Variants in CUL1 observed in about 807,000 individuals in gnomAD.
CUL1 encodes cullin-1.
Under a neutral mutation model 118.0 loss-of-function variants are expected in CUL1, and 24 were observed. The ratio of observed to expected loss-of-function variants is 0.20; its 90% confidence interval spans 0.15 to 0.29. The LOEUF is 0.29. Among genes scored for constraint, CUL1 ranks in the 10% least tolerant of loss-of-function variants. The probability of loss-of-function intolerance (pLI) is 1.00; values close to 1 mark genes in which losing one functional copy is unlikely to be tolerated. For synonymous variants in CUL1, 332 were observed against 340.4 expected, an observed-to-expected ratio of 0.98 and a Z score of 0.27; for missense variants, 361 against 933.8, an observed-to-expected ratio of 0.39 and a Z score of 7.99.
At chr7:148,768,525 C>G (rs747008435) in intron 9 of CUL1, among the ~76,000 whole-genome samples, 1 of 151,776 alleles carries the variant, frequency 6.6e-6, no homozygotes, top group Non-Finnish European at 1.5e-5. Flanking sequence ...GCTGGGATTA[C>G]AGCCGCTCGC....
upstream of CUL1, chr7:148,698,146 G>GTC (rs1196422737): frequency 1.3e-5 from 2 of 152,276 alleles, no homozygotes; most frequent in South Asian, 4.1e-4. Context: ...CTTGCAGGTG[G>GTC]TAAGGGGGTC....
chr7:148,752,400 CTG>C (rs1323355258), intron 2 of CUL1, among the ~76,000 whole-genome samples: 5 of 152,062 alleles, frequency 3.3e-5, no homozygotes, highest in Non-Finnish European at 7.4e-5. Context: ...TTATTGTAAT[CTG>C]TGATTCTCTA....
chr7:148,701,206 G>T (rs896306285), intron 1 of CUL1, among the ~76,000 whole-genome samples: 1 of 151,996 alleles, frequency 6.6e-6, no homozygotes, highest in African/African-American at 2.4e-5. Context: ...TTGAAAACAT[G>T]CGCTGATTTT....
At chr7:148,786,869 C>A in intron 12 of CUL1, 120 bp from the exon 13 acceptor site, 1 of 1,352,154 alleles carries the variant, frequency 7.4e-7, no homozygotes, top group Non-Finnish European at 1.0e-6. Context: ...CGTTGGCGTA[C>A]AGACCTGCCC....
chr7:148,723,563 T>C (rs867683478), intron 1 of CUL1, among the ~76,000 whole-genome samples: 2 of 152,106 alleles, frequency 1.3e-5, no homozygotes, highest in South Asian at 2.1e-4. Flanking sequence ...TAAATACTTA[T>C]AAGGCTGCTT....
intron 7 of CUL1, among the ~76,000 whole-genome samples, chr7:148,763,143 T>C (rs1026395588): frequency 5.3e-5 from 8 of 150,464 alleles, no homozygotes; most frequent in Non-Finnish European, 1.0e-4. Context: ...TGAGACTCTG[T>C]CTCAAAAAAA....
chr7:148,797,621 G>A (rs1801247759), intron 17 of CUL1, among the ~76,000 whole-genome samples, 191 bp from the exon 18 acceptor site: 1 of 151,764 alleles, frequency 6.6e-6, no homozygotes, highest in Non-Finnish European at 1.5e-5. Flanking sequence ...TAGAAGTCAG[G>A]GTGGAAGGAA....
rs772857614 is a variant in CUL1, at chr7:148,787,125, G to A, written c.1479+5G>A. On this transcript the variant is annotated splice_donor_5th_base_variant and intron_variant, in intron 13 of 21. Transcript: ENST00000325222. This position sits in a 1 kb window ranked among gnomAD's most constrained non-coding sequence, Gnocchi z 5.5. ...AGCATGATCTCCAAGTTAAAGGTGAGTTTCATCTTTTCCTGAAAAATCCCA... is the reference window on the plus strand; with the variant it reads ...AGCATGATCTCCAAGTTAAAGGTGAATTTCATCTTTTCCTGAAAAATCCCA... The A allele has an allele frequency of 8.1e-6, 13 of 1,612,632 alleles. No homozygotes were observed. Among genetic ancestry groups the A allele is most frequent in the Non-Finnish European group, 1.1e-5 (13 of 1,179,344 alleles).
At chr7:148,728,205 T>A (rs2129459550) in intron 1 of CUL1, among the ~76,000 whole-genome samples, 1 of 152,184 alleles carries the variant, frequency 6.6e-6, no homozygotes, top group East Asian at 1.9e-4. Context: ...CATGTGGCAT[T>A]GCCACTCGCT....
intron 2 of CUL1, among the ~76,000 whole-genome samples, chr7:148,740,892 CCTGACAGTACCTTGAGCTCGGACCT>C (rs2129459923): frequency 6.6e-6 from 1 of 152,274 alleles, no homozygotes; most frequent in African/African-American, 2.4e-5. Context: ...AGAAACCAAC[CCTGACAGTACCTTGAGCTCGGACCT>C]CTAGTCTCCA....
At chr7:148,755,150 C>T (rs1157339264) in intron 3 of CUL1, among the ~76,000 whole-genome samples, 1 of 152,214 alleles carries the variant, frequency 6.6e-6, no homozygotes, top group African/African-American at 2.4e-5. Flanking sequence ...CCCTCCCACT[C>T]CAAGCCTTTG....
chr7:148,780,710 C>T (rs369617518), intron 9 of CUL1, among the ~76,000 whole-genome samples: 2 of 152,244 alleles, frequency 1.3e-5, no homozygotes, highest in African/African-American at 2.4e-5. Flanking sequence ...TGAATGAGCC[C>T]TTAGGGACAA....
intron 7 of CUL1, among the ~76,000 whole-genome samples, chr7:148,763,096 G>A (rs776286167): frequency 8.6e-5 from 13 of 152,036 alleles, no homozygotes; most frequent in Non-Finnish European, 1.5e-4. Flanking sequence ...GCAGTGAGCC[G>A]AGATCGCGCC....
At chr7:148,753,941 G>GT in intron 2 of CUL1, 35 bp from the exon 3 acceptor site, 2 of 1,496,542 alleles carry the variant, frequency 1.3e-6, no homozygotes, top group Non-Finnish European at 1.8e-6. Flanking sequence ...GTTAACGTCT[G>GT]TGATATATGT....
chr7:148,723,687 A>G lies in CUL1; in HGVS notation c.-161-6275A>G, dbSNP rs576239358. ...CAAAAAAAAAAAAGAGGTATATTTC[A>G]TTAAGTGAAGTGAGGTATATCATTT... On this transcript the variant is annotated intron_variant, in intron 1 of 21. Coordinates refer to ENST00000325222, the MANE Select transcript of CUL1 (RefSeq NM_003592.3). Among the ~76,000 whole-genome samples the G allele has an allele frequency of 3.3e-5, 5 of 151,546 alleles. No homozygotes were observed. In the South Asian group the frequency reaches 1.0e-3, roughly 32 times the overall value.
At chr7:148,725,593 C>CT (rs1798552365) in intron 1 of CUL1, among the ~76,000 whole-genome samples, 1 of 152,196 alleles carries the variant, frequency 6.6e-6, no homozygotes, top group Non-Finnish European at 1.5e-5. Flanking sequence ...GTGCCCATCT[C>CT]TAAGAAGCAT....
chr7:148,787,124 A>T lies in CUL1; in HGVS notation c.1479+4A>T, dbSNP rs367923144. ...CAGCATGATCTCCAAGTTAAAGGTG[A>T]GTTTCATCTTTTCCTGAAAAATCCC... On this transcript the variant is annotated splice_donor_region_variant and intron_variant, in intron 13 of 21. Transcript: ENST00000325222. This position sits in a 1 kb window ranked among gnomAD's most constrained non-coding sequence, Gnocchi z 5.5. 8 of 1,612,506 alleles carry T rather than the reference A, an allele frequency of 5.0e-6. No homozygotes were observed. Among genetic ancestry groups the T allele is most frequent in the Non-Finnish European group, 6.8e-6 (8 of 1,179,306 alleles).
At chr7:148,705,030 C>A (rs1184170512) in intron 1 of CUL1, among the ~76,000 whole-genome samples, 1 of 152,172 alleles carries the variant, frequency 6.6e-6, no homozygotes, top group South Asian at 2.1e-4. Context: ...ATCTGACTTC[C>A]GTTGGGCTGT....
chr7:148,754,209 A>T (rs1198361266), intron 3 of CUL1, 59 bp downstream of exon 3: 22 of 1,141,304 alleles, frequency 1.9e-5, no homozygotes, highest in Non-Finnish European at 2.7e-5. Context: ...AAGTGAAATA[A>T]TGGTTCTAAC....
Sources: allele counts gnomAD v4.1 joint callset (sites outside exome capture counted in the v4.1 genomes callset), GRCh38; gene constraint gnomAD v4.1.1; non-coding constraint Gnocchi (gnomAD v3.1); transcripts MANE v1.5; gene names NCBI Gene and HGNC (gene_info 2026-07-23, HGNC 2026-07-21).